Variants in SLC4A10 observed in about 807,000 individuals in gnomAD.
The protein encoded by SLC4A10 is sodium-driven chloride bicarbonate exchanger.
A neutral mutation model predicts 137.7 loss-of-function variants in SLC4A10; 42 were observed. The ratio of observed to expected loss-of-function variants is 0.30; its 90% CI spans 0.24 to 0.39. The LOEUF (loss-of-function observed/expected upper bound fraction) is 0.39. Ranked by LOEUF, SLC4A10 falls within the 10% of genes least tolerant of loss-of-function variation. The pLI, the probability that SLC4A10 is intolerant of heterozygous loss-of-function variation, is 1.00. For synonymous variants in SLC4A10, 474 were observed against 464.1 expected, an observed-to-expected ratio of 1.02 and a Z score of -0.27; for missense variants, 925 against 1,355.0, an observed-to-expected ratio of 0.68 and a Z score of 4.98.
At chr2:161,671,924 T>C (rs2039770403) in intron 1 of SLC4A10, among the ~76,000 whole-genome samples, 1 of 152,104 alleles carries the variant, frequency 6.6e-6, no homozygotes, top group East Asian at 1.9e-4. Flanking sequence ...GGGAAGATAA[T>C]GTGTTTTGGT....
intron 1 of SLC4A10, among the ~76,000 whole-genome samples, chr2:161,684,724 T>C (rs1006132774): frequency 3.9e-5 from 6 of 152,204 alleles, no homozygotes; most frequent in Non-Finnish European, 8.8e-5. Flanking sequence ...CATGGTAGGT[T>C]AATAAATAAA....
intron 3 of SLC4A10, among the ~76,000 whole-genome samples, chr2:161,831,093 A>G (rs2058406607): frequency 6.6e-6 from 1 of 152,154 alleles, no homozygotes; most frequent in Non-Finnish European, 1.5e-5. Flanking sequence ...AAAGAAGGCT[A>G]ATGTACCTAG....
intron 1 of SLC4A10, among the ~76,000 whole-genome samples, chr2:161,649,134 G>C (rs1341053534): frequency 6.6e-6 from 1 of 152,154 alleles, no homozygotes; most frequent in Non-Finnish European, 1.5e-5. Context: ...TTTGGAGGCC[G>C]AGGTGGTGGA....
chr2:161,768,100 G>T (rs748754165), intron 1 of SLC4A10, among the ~76,000 whole-genome samples: 2 of 151,930 alleles, frequency 1.3e-5, no homozygotes, highest in Non-Finnish European at 2.9e-5. Context: ...ATAGGCAAAG[G>T]TCTAACTGAC....
intron 11 of SLC4A10, among the ~76,000 whole-genome samples, chr2:161,897,144 G>T (rs1277895075): frequency 1.3e-5 from 2 of 151,886 alleles, no homozygotes; most frequent in African/African-American, 4.8e-5. Flanking sequence ...TTTAAATTTT[G>T]TTTATGAACA....
chr2:161,876,208 C>T (rs2061439937), intron 8 of SLC4A10, among the ~76,000 whole-genome samples: 1 of 152,124 alleles, frequency 6.6e-6, no homozygotes, highest in Non-Finnish European at 1.5e-5. Flanking sequence ...AGATCCTATT[C>T]AGAGGACCAG....
chr2:161,860,837 G>C (rs993327247), intron 5 of SLC4A10, among the ~76,000 whole-genome samples: 2 of 151,996 alleles, frequency 1.3e-5, no homozygotes, highest in Non-Finnish European at 2.9e-5. Context: ...TATATCCCAC[G>C]TGCCACATAT....
intron 1 of SLC4A10, among the ~76,000 whole-genome samples, chr2:161,705,371 A>C (rs931824359): frequency 1.3e-5 from 2 of 151,532 alleles, no homozygotes; most frequent in African/African-American, 4.8e-5. Flanking sequence ...GGATCACATG[A>C]TCCCTTAGAG....
chr2:161,701,231 A>G (rs2043090940), intron 1 of SLC4A10, among the ~76,000 whole-genome samples: 1 of 151,906 alleles, frequency 6.6e-6, no homozygotes, highest in Non-Finnish European at 1.5e-5. Context: ...ATAAAGGGTG[A>G]GTTTTGAGGG....
chr2:161,660,871 A>C (rs1387745808), intron 1 of SLC4A10, among the ~76,000 whole-genome samples: 1 of 151,298 alleles, frequency 6.6e-6, no homozygotes, highest in Non-Finnish European at 1.5e-5. Flanking sequence ...CATGTTAGCC[A>C]GGATGGTCTA....
At chr2:161,937,306 T>C (rs1691749727) in intron 15 of SLC4A10, among the ~76,000 whole-genome samples, 1 of 152,198 alleles carries the variant, frequency 6.6e-6, no homozygotes, top group African/African-American at 2.4e-5. Flanking sequence ...AGTGTTATTA[T>C]TTTAATATGC....
At position 161,904,760 on chromosome 2, in the gene SLC4A10, T is replaced by C; in HGVS notation, c.1618-16T>C. The stretch of plus-strand genomic sequence containing the variant: ...TGTACAGCTTAGGTAATTGAACCAT[T>C]TATATCTCTACACAGAGTGCAATTG... On this transcript the variant is annotated splice_polypyrimidine_tract_variant and intron_variant, in intron 13 of 26. Coordinates refer to ENST00000446997, the MANE Select transcript of SLC4A10 (RefSeq NM_001178015.2). 4.3e-6 allele frequency: 7 copies of C among 1,613,450 alleles called. No homozygotes were observed. The highest frequency in any genetic ancestry group is 5.9e-6 in the Non-Finnish European group (7 of 1,179,620).
chr2:161,774,438 T>G (rs1284078542), intron 2 of SLC4A10, among the ~76,000 whole-genome samples: 1 of 151,900 alleles, frequency 6.6e-6, no homozygotes, highest in African/African-American at 2.4e-5. Context: ...TAGTGGATGT[T>G]ACAGTGAACC....
At position 161,868,912 on chromosome 2, in the gene SLC4A10, G is replaced by T. The variant is rs577773175; in HGVS notation, c.767-3381G>T. Among the ~76,000 whole-genome samples, 3 of 151,596 alleles carry T rather than the reference G, an allele frequency of 2.0e-5. No homozygotes were observed. The South Asian group carries it at 6.2e-4, about 31-fold the overall frequency. Reference sequence around the variant, plus strand: ...AAATTTTCTAGGTATTATAAAAACAGAAATAATTGAACATTGCAATGACAT... The same window carrying T: ...AAATTTTCTAGGTATTATAAAAACATAAATAATTGAACATTGCAATGACAT... On this transcript the variant is annotated intron_variant, in intron 6 of 26. Coordinates refer to ENST00000446997, the MANE Select transcript of SLC4A10 (RefSeq NM_001178015.2).
intron 1 of SLC4A10, 49 bp from the exon 2 acceptor site, chr2:161,770,924 G>A (rs746545984): frequency 1.5e-6 from 2 of 1,329,454 alleles, no homozygotes; most frequent in Non-Finnish European, 1.0e-6. Context: ...TTTTGAAATT[G>A]AGATAATATG....
chr2:161,714,209 T>G (rs1328579135), intron 1 of SLC4A10, among the ~76,000 whole-genome samples: 1 of 151,950 alleles, frequency 6.6e-6, no homozygotes, highest in Non-Finnish European at 1.5e-5. Context: ...TACTTATTAA[T>G]CTTTGCAACT....
At chr2:161,837,186 A>T (rs1049562211) in intron 3 of SLC4A10, among the ~76,000 whole-genome samples, 1 of 152,234 alleles carries the variant, frequency 6.6e-6, no homozygotes, top group Admixed American at 6.5e-5. Flanking sequence ...TCACATATAT[A>T]TGATCTCTAC....
chr2:161,828,647 C>T (rs1433911457), intron 3 of SLC4A10, among the ~76,000 whole-genome samples: 1 of 146,350 alleles, frequency 6.8e-6, no homozygotes, highest in Non-Finnish European at 1.5e-5. Flanking sequence ...TTTCTTCTCT[C>T]TGGTATTTTT....
At chr2:161,690,767 C>T (rs569566824) in intron 1 of SLC4A10, among the ~76,000 whole-genome samples, 10 of 151,948 alleles carry the variant, frequency 6.6e-5, no homozygotes, top group Admixed American at 6.6e-4. Context: ...GGGAGGGGAA[C>T]AACACACACT....
Sources: allele counts gnomAD v4.1 joint callset (sites outside exome capture counted in the v4.1 genomes callset), GRCh38; gene constraint gnomAD v4.1.1; transcripts MANE v1.5; gene names NCBI Gene and HGNC (gene_info 2026-07-23, HGNC 2026-07-21).